DECR1: variants seen among roughly 807,000 people sequenced by gnomAD.
DECR1 encodes the protein 2,4-dienoyl-CoA reductase [(3E)-enoyl-CoA-producing], mitochondrial.
In DECR1, 44 loss-of-function variants were observed where a neutral mutation model predicts 38.8. The observed-to-expected ratio is 1.13, with a 90% confidence interval of 0.89 to 1.46. The LOEUF (loss-of-function observed/expected upper bound fraction) is 1.46, where lower values mean the gene tolerates loss of function less well. Among genes scored for constraint, DECR1 ranks in the 40% most tolerant of loss-of-function variants. The probability of loss-of-function intolerance (pLI) is 0.00; values close to 1 mark genes in which losing one functional copy is unlikely to be tolerated. For missense variants in DECR1, 428 were observed against 405.5 expected, an observed-to-expected ratio of 1.06 and a Z score of -0.48; for synonymous variants, 148 against 135.2, an observed-to-expected ratio of 1.09 and a Z score of -0.66.
chr8:90,029,350 T>C (rs1813436573), intron 5 of DECR1: 1 of 152,082 alleles, frequency 6.6e-6, no homozygotes, highest in Non-Finnish European at 1.5e-5. Flanking sequence ...AAGACTTTGG[T>C]GGAAATAACT....
chr8:90,015,520 A>C, intron 1 of DECR1: 1 of 391,258 alleles, frequency 2.6e-6, no homozygotes, highest in East Asian at 7.3e-5. Context: ...CATTATAAAC[A>C]TTTTCTTGTG....
intron 1 of DECR1, among the ~76,000 whole-genome samples, chr8:90,003,814 C>T (rs776680986): frequency 1.3e-5 from 2 of 152,000 alleles, no homozygotes; most frequent in Non-Finnish European, 2.9e-5. Context: ...TTTCACACGC[C>T]TGTAGTCCCA....
At chr8:90,030,866 C>A (rs1196954216) in intron 5 of DECR1, among the ~76,000 whole-genome samples, 1 of 151,954 alleles carries the variant, frequency 6.6e-6, no homozygotes, top group Non-Finnish European at 1.5e-5. Flanking sequence ...GTATTAGTAT[C>A]CTTTTGAAAT....
intron 5 of DECR1, among the ~76,000 whole-genome samples, chr8:90,029,791 A>C (rs535589926): frequency 6.6e-6 from 1 of 152,244 alleles, no homozygotes; most frequent in Non-Finnish European, 1.5e-5. Context: ...CTTGTCCTCC[A>C]TAATGGAGCA....
intron 5 of DECR1, among the ~76,000 whole-genome samples, chr8:90,024,706 A>G (rs1813281303): frequency 6.6e-6 from 1 of 152,160 alleles, no homozygotes; most frequent in South Asian, 2.1e-4. Context: ...TTTGCTGTGC[A>G]GAAGCTCTTT....
chr8:90,032,026 A>G (rs1394247195), intron 5 of DECR1, among the ~76,000 whole-genome samples: 3 of 152,204 alleles, frequency 2.0e-5, no homozygotes, highest in African/African-American at 4.8e-5. Context: ...TCATATGCTT[A>G]TAATTTTATA....
At position 90,006,354 on chromosome 8, in the gene DECR1, C is replaced by T. The variant is rs181314328; in HGVS notation, c.69+4793C>T. ...ACCTGAAAGATGAGTAGGAGTTAGC[C>T]AAAGGGAGAGATGTAAGAATGTTTT... On this transcript the variant is annotated intron_variant, in intron 1 of 9. Transcript: ENST00000220764. 8 of 703,192 alleles carry T rather than the reference C, an allele frequency of 1.1e-5. No homozygotes were observed. In the Admixed American group the frequency reaches 1.6e-4, roughly 14 times the overall value. The allele number at this position is 703,192 out of a possible 1,614,324, so 43.6% of individuals were successfully genotyped here. A position where few individuals can be genotyped will look rare whatever the true frequency, so the allele number is the denominator to read the frequency against.
chr8:90,036,882 G>A lies in DECR1; in HGVS notation c.607G>A (p.Gly203Ser). The change falls in exon 6 of 10, where the codon GGT (glycine) becomes AGT (serine). Residue 203 changes from glycine (G) to serine (S), a missense_variant. Physicochemically the swap from Gly to Ser is moderately conservative, Grantham distance 56. Transcript: ENST00000220764. ...TATTACTACTATCTATGCTGAGACT[G>A]GTTCAGGTTTTGTAGTACCAAGTGC... ...LSITTIYAET[G>S]SGFVVPSASA... 1 of 1,613,436 alleles carries A rather than the reference G, an allele frequency of 6.2e-7. No homozygotes were observed. The highest frequency in any genetic ancestry group is 1.1e-5 in the South Asian group (1 of 91,040).
At chr8:90,029,404 C>T (rs1450280855) in intron 5 of DECR1, 2 of 151,992 alleles carry the variant, frequency 1.3e-5, no homozygotes, top group East Asian at 1.9e-4. Context: ...TAGAAGCAAC[C>T]CAAGGAAGCT....
At chr8:90,011,127 T>C (rs945405088) in intron 1 of DECR1, among the ~76,000 whole-genome samples, 1 of 152,200 alleles carries the variant, frequency 6.6e-6, no homozygotes, top group Non-Finnish European at 1.5e-5. Flanking sequence ...AAAAACCACA[T>C]GAAGGGGAGC....
At chr8:90,049,333 C>G (rs1238284050) in intron 8 of DECR1, among the ~76,000 whole-genome samples, 2 of 152,320 alleles carry the variant, frequency 1.3e-5, no homozygotes, top group East Asian at 3.9e-4. Flanking sequence ...AGCAAAGTCT[C>G]AGGATACAAA....
intron 1 of DECR1, among the ~76,000 whole-genome samples, chr8:90,012,372 C>A (rs563069991): frequency 6.6e-6 from 1 of 151,946 alleles, no homozygotes; most frequent in Non-Finnish European, 1.5e-5. Context: ...AGGTTGGTCT[C>A]GAACTCCTGA....
intron 5 of DECR1, among the ~76,000 whole-genome samples, chr8:90,029,845 C>T (rs1813451640): frequency 6.6e-6 from 1 of 152,082 alleles, no homozygotes; most frequent in Admixed American, 6.6e-5. Flanking sequence ...TTGACTGATC[C>T]AGTACACATG....
At chr8:90,024,643 C>A (rs1427060647) in intron 5 of DECR1, among the ~76,000 whole-genome samples, 1 of 152,120 alleles carries the variant, frequency 6.6e-6, no homozygotes, top group Non-Finnish European at 1.5e-5. Context: ...GGGTAGATTG[C>A]ATAAATTTTC....
At chr8:90,006,044 T>C in intron 1 of DECR1, 1 of 610,388 alleles carries the variant, frequency 1.6e-6, no homozygotes, top group Non-Finnish European at 2.9e-6. Flanking sequence ...AGGATGAAGA[T>C]GGTACTACGA....
chr8:90,025,860 G>C (rs1417649984), intron 5 of DECR1, among the ~76,000 whole-genome samples: 3 of 152,138 alleles, frequency 2.0e-5, no homozygotes, highest in Non-Finnish European at 4.4e-5. Context: ...CTCTGGGTTT[G>C]TCATAAATAG....
At chr8:90,033,598 A>G (rs1322691318) in intron 5 of DECR1, among the ~76,000 whole-genome samples, 1 of 152,212 alleles carries the variant, frequency 6.6e-6, no homozygotes, top group Non-Finnish European at 1.5e-5. Context: ...CATTAATGCT[A>G]TTGGAACAGT....
chr8:90,023,719 CT>C (rs951393945), intron 5 of DECR1, among the ~76,000 whole-genome samples: 1 of 151,338 alleles, frequency 6.6e-6, no homozygotes, highest in East Asian at 1.9e-4. Context: ...TTGCTGATAG[CT>C]TTTTTTTATT....
In DECR1 at chr8:90,044,702, A is replaced by G. The variant is rs112704087; in HGVS notation, c.739-147A>G. ...TCCAGTGATCTATTTTTTTTTTAAG[A>G]ATAATTTGGTGAAATTCTTTTTTAC... On this transcript the variant is annotated intron_variant, in intron 7 of 9. Coordinates refer to ENST00000220764, the MANE Select transcript of DECR1 (RefSeq NM_001359.2). 5.6e-4 allele frequency: 396 copies of G among 709,798 alleles called. 1 individual carries two copies. The African/African-American group carries it at 6.6e-3, about 12-fold the overall frequency. The allele number at this position is 709,798 out of a possible 1,614,324, so 44.0% of individuals were successfully genotyped here.
Sources: gnomAD v4.1 joint callset for allele counts (sites outside exome capture counted in the v4.1 genomes callset) on GRCh38, gnomAD v4.1.1 for gene constraint, MANE v1.5 for transcripts, NCBI Gene and HGNC (gene_info 2026-07-23, HGNC 2026-07-21) for gene names.